KATNAL1: variants seen among roughly 807,000 people sequenced by gnomAD.
The protein encoded by KATNAL1 is katanin catalytic subunit A1 like 1.
In KATNAL1, 32 loss-of-function variants were observed where a neutral mutation model predicts 55.2. That is an observed-to-expected ratio of 0.58 (90% CI 0.44 to 0.78). The LOEUF is 0.78. Among genes scored for constraint, KATNAL1 ranks in the 30% least tolerant of loss-of-function variants. The probability of loss-of-function intolerance (pLI) is 0.00; values close to 1 mark genes in which losing one functional copy is unlikely to be tolerated. For missense variants in KATNAL1, 466 were observed against 600.9 expected (o/e 0.78, Z 2.35); for synonymous variants, 193 against 193.6 (o/e 1.00, Z 0.02).
At chr13:30,248,831 G>A (rs866674340) in intron 4 of KATNAL1, among the ~76,000 whole-genome samples, 11 of 152,114 alleles carry the variant, frequency 7.2e-5, no homozygotes, top group East Asian at 1.9e-4. Flanking sequence ...AGGCCGAGAC[G>A]GGTGGATCAC....
intron 1 of KATNAL1, among the ~76,000 whole-genome samples, chr13:30,290,902 C>G (rs1223990094): frequency 6.6e-6 from 1 of 152,024 alleles, no homozygotes; most frequent in East Asian, 1.9e-4. Flanking sequence ...TGACAAAATT[C>G]AACATAATTC....
At chr13:30,228,885 T>TG (rs1306654877) in intron 8 of KATNAL1, among the ~76,000 whole-genome samples, 3 of 152,194 alleles carry the variant, frequency 2.0e-5, no homozygotes, top group African/African-American at 4.8e-5. Flanking sequence ...CCTGAGTAGC[T>TG]GGGACTACAG....
At chr13:30,236,234 T>C (rs1231706418) in intron 6 of KATNAL1, among the ~76,000 whole-genome samples, 1 of 152,102 alleles carries the variant, frequency 6.6e-6, no homozygotes, top group African/African-American at 2.4e-5. Flanking sequence ...CCTAAGAGGG[T>C]AGTGGGAACT....
At chr13:30,232,388 T>A (rs1876191317) in intron 6 of KATNAL1, among the ~76,000 whole-genome samples, 1 of 152,220 alleles carries the variant, frequency 6.6e-6, no homozygotes, top group African/African-American at 2.4e-5. Flanking sequence ...TTTCATAAAC[T>A]CCAAATTCAG....
chr13:30,283,582 T>A, intron 2 of KATNAL1, 34 bp downstream of exon 2: 2 of 1,603,070 alleles, frequency 1.2e-6, no homozygotes, highest in Middle Eastern at 1.7e-4. Flanking sequence ...GGTACTGCCA[T>A]CCTAACTCAT....
At chr13:30,256,484 G>A (rs999280918) in intron 3 of KATNAL1, among the ~76,000 whole-genome samples, 12 of 151,980 alleles carry the variant, frequency 7.9e-5, no homozygotes, top group African/African-American at 2.9e-4. Flanking sequence ...GTATGTATCT[G>A]TAGCCCTCTA....
chr13:30,240,518 G>A lies in KATNAL1; in HGVS notation c.668C>T (p.Ala223Val). 1 of 1,613,734 alleles carries A rather than the reference G, an allele frequency of 6.2e-7. No homozygotes were observed. Among genetic ancestry groups the A allele is most frequent in the Non-Finnish European group, 8.5e-7 (1 of 1,179,764 alleles). ...LEEAKKLLRE[A>V]VVLPMWMPDF... The stretch of plus-strand genomic sequence containing the variant: ...AGGCATCCACATTGGAAGAACAACA[G>A]CTTCCCTTAGCAACTTCTTAGCTTC... The change falls in exon 6 of 11, where the codon GCT becomes GTT. Residue 223 changes from alanine to valine, a missense_variant. By Grantham distance (64) the Ala-to-Val change is moderately conservative. Coordinates refer to ENST00000380615, the MANE Select transcript of KATNAL1 (RefSeq NM_032116.5).
In KATNAL1 at chr13:30,238,856, C is replaced by T. The variant is rs151247068; in HGVS notation, c.726+1604G>A. Among the ~76,000 whole-genome samples, 470 of 152,282 alleles carry T rather than the reference C, an allele frequency of 3.1e-3. 1 individual carries two copies. Among genetic ancestry groups the T allele is most frequent in the African/African-American group, 0.011 (448 of 41,562 alleles). On this transcript the variant is annotated intron_variant, in intron 6 of 10. Coordinates refer to ENST00000380615, the MANE Select transcript of KATNAL1 (RefSeq NM_032116.5). ...TGACGGATAAAGGAATGGTATCACA[C>T]AATGCAGGAGAAAGTGTGCCGCAGA... is the stretch of plus-strand genomic sequence containing the variant.
intron 4 of KATNAL1, among the ~76,000 whole-genome samples, chr13:30,242,775 A>T (rs1877406741): frequency 6.6e-6 from 1 of 152,178 alleles, no homozygotes; most frequent in Admixed American, 6.5e-5. Context: ...AGTGGTACAC[A>T]TGAGACTTGA....
At chr13:30,278,987 G>GA (rs1230128729) in intron 3 of KATNAL1, among the ~76,000 whole-genome samples, 1 of 152,128 alleles carries the variant, frequency 6.6e-6, no homozygotes, top group Admixed American at 6.5e-5. Flanking sequence ...TAATTCAGTG[G>GA]AAAAAATCCA....
chr13:30,252,761 G>A lies in KATNAL1; in HGVS notation c.492+2686C>T, dbSNP rs74655113. ...ATTTTCCTTTCTTTTTTTTTTTTTT[G>A]AGACCAAGTCTCGCTCTGTTGCCCA... is the stretch of plus-strand genomic sequence containing the variant. On this transcript the variant is annotated intron_variant, in intron 4 of 10. Coordinates refer to ENST00000380615, the MANE Select transcript of KATNAL1 (RefSeq NM_032116.5). Among the ~76,000 whole-genome samples the A allele has an allele frequency of 2.3e-4, 28 of 119,354 alleles. 2 individuals carry two copies. Among genetic ancestry groups the A allele is most frequent in the East Asian group, 1.7e-3 (7 of 4,200 alleles). 78.3% of individuals were successfully genotyped at this position (119,354 alleles called of 152,430 possible).
intron 1 of KATNAL1, among the ~76,000 whole-genome samples, chr13:30,302,224 C>T (rs1442351436): frequency 6.6e-6 from 1 of 152,126 alleles, no homozygotes; most frequent in Non-Finnish European, 1.5e-5. Context: ...ACTTACTCAT[C>T]CATTCATCAT....
rs1286558083 is a variant in KATNAL1 at position 30,207,757 on chromosome 13, CCTT to C, written c.*780_*782del. 6.6e-6 allele frequency: 1 copy of C among 152,098 alleles called. No homozygotes were observed. The highest frequency in any genetic ancestry group is 1.9e-4 in the East Asian group (1 of 5,196). 9.4% of individuals were successfully genotyped at this position (152,098 alleles called of 1,614,324 possible). ...CTACACAGCCTGGGTGACACAGACT[CCTT>C]CACGCACACACAAAAAAGTGAAAAC... On this transcript the variant is annotated 3_prime_UTR_variant, in exon 11 of 11. Coordinates refer to ENST00000380615, the MANE Select transcript of KATNAL1 (RefSeq NM_032116.5).
intron 1 of KATNAL1, among the ~76,000 whole-genome samples, chr13:30,302,894 T>C (rs1449479795): frequency 6.6e-6 from 1 of 152,204 alleles, no homozygotes; most frequent in African/African-American, 2.4e-5. Context: ...AAAATAACCA[T>C]TCTAAAGAGT....
At chr13:30,260,822 CA>C (rs1368196347) in intron 3 of KATNAL1, among the ~76,000 whole-genome samples, 2 of 147,692 alleles carry the variant, frequency 1.4e-5, no homozygotes, top group African/African-American at 4.9e-5. Context: ...AGAACTTCCC[CA>C]ATCTAGCAAG....
chr13:30,285,183 G>A (rs1419647232), intron 1 of KATNAL1, among the ~76,000 whole-genome samples: 1 of 152,138 alleles, frequency 6.6e-6, no homozygotes, highest in Non-Finnish European at 1.5e-5. Flanking sequence ...ATGTTTATGT[G>A]TTTGGCATGT....
At position 30,283,640 on chromosome 13, in the gene KATNAL1, TG is replaced by T. The variant is rs1197625323; in HGVS notation, c.137del (p.Pro46GlnfsTer28). On this transcript the variant is annotated frameshift_variant, in exon 2 of 11. Transcript: ENST00000380615. LOFTEE classifies it high-confidence loss of function. ...CCTGTTGCCATTTGCCTTTGATAGCTGGATCTCTGACTGACTGGCAATGTCT... is the reference window on the plus strand; with the variant it reads ...CCTGTTGCCATTTGCCTTTGATAGCTGATCTCTGACTGACTGGCAATGTCT... ...IQRHCQSVRD[P>X]AIKGKWQQVR... The T allele has an allele frequency of 6.2e-7, 1 of 1,613,904 alleles. No homozygotes were observed. Among genetic ancestry groups the T allele is most frequent in the Non-Finnish European group, 8.5e-7 (1 of 1,179,866 alleles).
intron 9 of KATNAL1, among the ~76,000 whole-genome samples, chr13:30,211,150 TC>T (rs908109914): frequency 2.6e-5 from 4 of 152,228 alleles, no homozygotes; most frequent in African/African-American, 9.6e-5. Flanking sequence ...TATCTGGCGC[TC>T]TACTATTTCC....
At chr13:30,228,827 G>A (rs886517584) in intron 8 of KATNAL1, among the ~76,000 whole-genome samples, 2 of 152,164 alleles carry the variant, frequency 1.3e-5, no homozygotes, top group African/African-American at 2.4e-5. Flanking sequence ...ATTACAGCTC[G>A]CTGTGGCCTC....
Sources: allele counts gnomAD v4.1 joint callset (sites outside exome capture counted in the v4.1 genomes callset), GRCh38; gene constraint gnomAD v4.1.1; transcripts MANE v1.5; gene names NCBI Gene and HGNC (gene_info 2026-07-23, HGNC 2026-07-21).